Variants in ROCK2 observed in about 807,000 individuals in gnomAD.
The protein encoded by ROCK2 is rho-associated protein kinase 2.
A neutral mutation model predicts 195.1 loss-of-function variants in ROCK2; 61 were observed. That is an observed-to-expected ratio of 0.31 (90% CI 0.25 to 0.39). The LOEUF is 0.39. Among genes scored for constraint, ROCK2 ranks in the 10% least tolerant of loss-of-function variants. The probability of loss-of-function intolerance (pLI) is 1.00; values close to 1 mark genes in which losing one functional copy is unlikely to be tolerated. For missense variants in ROCK2, 1,109 were observed against 1,637.4 expected (o/e 0.68, Z 5.57); for synonymous variants, 504 against 545.5 (o/e 0.92, Z 1.06).
chr2:11,325,313 G>C (rs1277281701), intron 1 of ROCK2, among the ~76,000 whole-genome samples: 1 of 152,166 alleles, frequency 6.6e-6, no homozygotes, highest in African/African-American at 2.4e-5. Context: ...AGGGGTCTTG[G>C]GGTCTTGGAA....
chr2:11,334,107 T>G (rs1361805824), intron 1 of ROCK2, among the ~76,000 whole-genome samples: 1 of 152,200 alleles, frequency 6.6e-6, no homozygotes, highest in Non-Finnish European at 1.5e-5. Flanking sequence ...TTCTTTCCTA[T>G]GGATAGATAA....
At chr2:11,321,938 A>C (rs1426080436) in intron 1 of ROCK2, among the ~76,000 whole-genome samples, 1 of 152,182 alleles carries the variant, frequency 6.6e-6, no homozygotes, top group Non-Finnish European at 1.5e-5. Flanking sequence ...TAGGGCCTTT[A>C]AAGAGATGAC....
chr2:11,260,907 C>T (rs1052850122), intron 3 of ROCK2, among the ~76,000 whole-genome samples: 5 of 152,182 alleles, frequency 3.3e-5, no homozygotes, highest in Non-Finnish European at 5.9e-5. Flanking sequence ...TGCAAAAATG[C>T]TCCCCTCTAT....
intron 7 of ROCK2, among the ~76,000 whole-genome samples, chr2:11,223,108 CCTT>C (rs1461774220): frequency 3.3e-5 from 5 of 152,102 alleles, no homozygotes; most frequent in Non-Finnish European, 5.9e-5. Context: ...AGGCGTCTCT[CCTT>C]CTTTTCAAAG....
chr2:11,285,719 T>TG (rs1447435604), intron 3 of ROCK2, among the ~76,000 whole-genome samples: 2 of 152,076 alleles, frequency 1.3e-5, no homozygotes, highest in Non-Finnish European at 2.9e-5. Context: ...CCCAGCTTCT[T>TG]GGAGGGCTGA....
chr2:11,241,026 ATG>A lies in ROCK2; in HGVS notation c.463-5066_463-5065del, dbSNP rs1478044951. Among the ~76,000 whole-genome samples the A allele has an allele frequency of 1.1e-4, 16 of 152,218 alleles. 1 individual carries two copies. Among genetic ancestry groups the A allele is most frequent in the Non-Finnish European group, 2.4e-4 (16 of 68,034 alleles). Reference sequence around the variant, plus strand: ...GAATCAAGTTAATCCAGAAATAATAATGTAGTTTTATTTATAAGAGAGAAAAA... The same window carrying A: ...GAATCAAGTTAATCCAGAAATAATAATAGTTTTATTTATAAGAGAGAAAAA... On this transcript the variant is annotated intron_variant, in intron 4 of 32. Transcript: ENST00000315872.
intron 3 of ROCK2, among the ~76,000 whole-genome samples, chr2:11,255,982 C>G (rs6721445): frequency 0.83 from 118,185 of 142,666 alleles, 50,286 homozygotes; most frequent in East Asian, 0.99. Context: ...CAGTGAACTT[C>G]AACACAAATC....
In ROCK2 at chr2:11,227,325, C is replaced by A. The variant is rs761077451; in HGVS notation, c.797G>T (p.Gly266Val). The A allele has an allele frequency of 6.2e-7, 1 of 1,613,948 alleles. No homozygotes were observed. The highest frequency in any genetic ancestry group is 1.1e-5 in the South Asian group (1 of 91,080). ...YISPEVLKSQ[G>V]GDGFYGRECD... The stretch of plus-strand genomic sequence containing the variant: ...TTCTCGCCCATAGAAACCATCACCC[C>A]CTTGTGATTTCAGAACCTCAGGTGA... Residue 266 changes from glycine to valine, a missense_variant, in exon 6 of 33, where the codon GGG (glycine) becomes GTG (valine). Physicochemically the swap from Gly to Val is moderately radical, Grantham distance 109. Transcript: ENST00000315872.
rs760088893 is a variant in ROCK2 at position 11,287,661 on chromosome 2, T to G, written c.217A>C (p.Asn73His). ...GAAGTTTAAACATACTTACATCTAT[T>G]TAAGAAATTATCTATGTTCTTGTTT... ...RKNKNIDNFL[N>H]RYEKIVKKIR... Residue 73 changes from asparagine (N) to histidine (H), a missense_variant, in exon 2 of 33, where the codon AAT becomes CAT. Asn to His is a moderately conservative substitution (Grantham distance 68). Around this residue, in one of 6 missense-constraint regions of ROCK2, gnomAD observed 253 missense variants for 455.5 expected, o/e 0.56. Transcript: ENST00000315872. The G allele has an allele frequency of 3.6e-6, 4 of 1,117,538 alleles. No individual in the cohort carries two copies. The East Asian group carries it at 1.1e-4, about 30-fold the overall frequency. 69.2% of individuals were successfully genotyped at this position (1,117,538 alleles called of 1,614,324 possible).
chr2:11,299,689 G>C (rs1280633487), intron 1 of ROCK2, among the ~76,000 whole-genome samples: 1 of 152,208 alleles, frequency 6.6e-6, no homozygotes, highest in African/African-American at 2.4e-5. Flanking sequence ...GAAGAAAATA[G>C]TTGTTGATGG....
At chr2:11,237,791 A>C (rs116346698) in intron 4 of ROCK2, among the ~76,000 whole-genome samples, 4,497 of 152,360 alleles carry the variant, frequency 0.03, 117 homozygotes, top group Middle Eastern at 0.12. Context: ...AAAATGAAGA[A>C]TAGCTGGGCA....
At chr2:11,322,732 T>C (rs1668438356) in intron 1 of ROCK2, among the ~76,000 whole-genome samples, 1 of 152,242 alleles carries the variant, frequency 6.6e-6, no homozygotes, top group Non-Finnish European at 1.5e-5. Flanking sequence ...TTATATGTGG[T>C]AGAAAGTTAA....
intron 17 of ROCK2, 150 bp from the exon 18 acceptor site, chr2:11,211,990 C>G: frequency 1.9e-6 from 1 of 539,250 alleles, no homozygotes; most frequent in South Asian, 3.6e-5. Flanking sequence ...ATTGCAGCCT[C>G]AACCTCCCCA....
At chr2:11,274,903 T>A (rs1666770382) in intron 3 of ROCK2, among the ~76,000 whole-genome samples, 1 of 152,212 alleles carries the variant, frequency 6.6e-6, no homozygotes. Context: ...TGTTTTTTCC[T>A]ATACATACAT....
At chr2:11,280,378 C>T (rs1405306763) in intron 3 of ROCK2, among the ~76,000 whole-genome samples, 2 of 151,568 alleles carry the variant, frequency 1.3e-5, no homozygotes, top group South Asian at 2.1e-4. Flanking sequence ...AATCCCAGCA[C>T]TTTGGGAGGC....
chr2:11,287,068 AC>A (rs2148194231), intron 2 of ROCK2, among the ~76,000 whole-genome samples: 1 of 152,342 alleles, frequency 6.6e-6, no homozygotes, highest in East Asian at 1.9e-4. Context: ...ATAAATAGTA[AC>A]TATAGATAAG....
chr2:11,184,451 G>T (rs1052303205), intron 32 of ROCK2, among the ~76,000 whole-genome samples: 3 of 152,032 alleles, frequency 2.0e-5, no homozygotes, highest in African/African-American at 7.2e-5. Flanking sequence ...AATTCTAACT[G>T]TACTAAAAAT....
chr2:11,284,464 C>A (rs1200848670), intron 3 of ROCK2, among the ~76,000 whole-genome samples: 1 of 152,062 alleles, frequency 6.6e-6, no homozygotes, highest in Non-Finnish European at 1.5e-5. Flanking sequence ...GGGATGCTGA[C>A]AATGGAAGTG....
intron 5 of ROCK2, among the ~76,000 whole-genome samples, chr2:11,231,936 G>A (rs1362192933): frequency 2.0e-5 from 3 of 152,038 alleles, no homozygotes; most frequent in Admixed American, 1.3e-4. Context: ...TAAAGTATTG[G>A]CTAATTTTTC....
Sources: gnomAD v4.1 joint callset for allele counts (sites outside exome capture counted in the v4.1 genomes callset) on GRCh38, gnomAD v4.1.1 for gene constraint, gnomAD v4.1.1 regional missense constraint, MANE v1.5 for transcripts, NCBI Gene and HGNC (gene_info 2026-07-23, HGNC 2026-07-21) for gene names.